Variants in ZXDC observed in about 807,000 individuals in gnomAD.
The protein encoded by ZXDC is ZXD family zinc finger C.
Under a neutral mutation model 63.6 loss-of-function variants are expected in ZXDC, and 58 were observed. The observed-to-expected ratio is 0.91, with a 90% CI of 0.74 to 1.13. The LOEUF is 1.13. ZXDC is among the 50% of genes most tolerant of loss of function. ZXDC has a pLI of 0.00. For synonymous variants in ZXDC, 561 were observed against 496.1 expected (o/e 1.13, Z -1.74); for missense variants, 1,133 against 1,148.9 (o/e 0.99, Z 0.20).
chr3:126,439,996 C>G, intron 8 of ZXDC: 1 of 1,338,372 alleles, frequency 7.5e-7, no homozygotes, highest in South Asian at 1.8e-5. Flanking sequence ...CTCAGTCAGC[C>G]CAAATACTGA....
intron 7 of ZXDC, among the ~76,000 whole-genome samples, chr3:126,457,090 G>A (rs573071345): frequency 6.6e-6 from 1 of 152,380 alleles, no homozygotes; most frequent in South Asian, 2.1e-4. Context: ...CCAGACCAGA[G>A]GAGACGGGGA....
chr3:126,447,057 G>A (rs1933909447), intron 7 of ZXDC, among the ~76,000 whole-genome samples: 1 of 152,128 alleles, frequency 6.6e-6, no homozygotes, highest in Admixed American at 6.6e-5. Flanking sequence ...TGTTCTGCAG[G>A]GGCACTCTCT....
Position 126,461,742 on chromosome 3 carries a change from C to T in ZXDC, c.1920G>A (p.Pro640=), listed in dbSNP as rs569926360. The T allele has an allele frequency of 2.0e-5, 33 of 1,613,660 alleles. No homozygotes were observed. The African/African-American group carries it at 3.7e-4, about 18-fold the overall frequency. The change falls in exon 6 of 10, where the codon CCG becomes CCA. Residue 640 remains proline, a synonymous_variant. Transcript: ENST00000389709. ...NSNLAAHITT[P]TSSSTPRENA... ...TTTCTCGGGGGGTGCTCGAAGAGGT[C>T]GGTGTGGTGATATGTGCTGCTAAGT...
chr3:126,472,558 A>G (rs555736465), intron 1 of ZXDC, among the ~76,000 whole-genome samples: 2 of 152,304 alleles, frequency 1.3e-5, no homozygotes, highest in African/African-American at 4.8e-5. Flanking sequence ...CAACCGATAA[A>G]GAGAAAGTCC....
At chr3:126,444,518 C>A (rs1210553086) in intron 7 of ZXDC, among the ~76,000 whole-genome samples, 1 of 150,400 alleles carries the variant, frequency 6.6e-6, no homozygotes, top group South Asian at 2.1e-4. Flanking sequence ...GGTGACAGAG[C>A]GAGACTCCCT....
At chr3:126,474,597 G>A (rs2107662708) in intron 1 of ZXDC, among the ~76,000 whole-genome samples, 1 of 152,332 alleles carries the variant, frequency 6.6e-6, no homozygotes, top group East Asian at 1.9e-4. Flanking sequence ...CTCTAGCACG[G>A]AGTGTGCACC....
chr3:126,457,731 T>C (rs1315403372), intron 7 of ZXDC: 1 of 854,296 alleles, frequency 1.2e-6, no homozygotes, highest in Non-Finnish European at 1.4e-6. Flanking sequence ...ATGACAGATT[T>C]AGAGTACCAC....
chr3:126,458,510 T>C (rs1220622841), intron 7 of ZXDC: 1 of 872,982 alleles, frequency 1.1e-6, no homozygotes, highest in East Asian at 1.2e-4. Context: ...AGTGCTGGGA[T>C]TACAGGTATG....
In ZXDC at chr3:126,475,395, G is replaced by A. The variant is rs1935160702; in HGVS notation, c.471C>T (p.Gly157=). ...GGGGCGCGCGGCGGGGAGCGGCGGC[G>A]CCCGCGGTTGCGGGGCCGGGCGGCG... The part of the protein sequence containing the change: ...LSAPPGPATA[G]AAAPRRAPQA... The change falls in exon 1 of 10, where the codon GGC becomes GGT. Residue 157 remains glycine, a synonymous_variant. Coordinates refer to ENST00000389709, the MANE Select transcript of ZXDC (RefSeq NM_025112.5). 3.3e-6 allele frequency: 4 copies of A among 1,206,722 alleles called. No homozygotes were observed. In the Admixed American group the frequency reaches 1.4e-4, roughly 41 times the overall value. 74.8% of individuals were successfully genotyped at this position (1,206,722 alleles called of 1,614,324 possible). A position where few individuals can be genotyped will look rare whatever the true frequency, so the allele number is the denominator to read the frequency against.
intron 5 of ZXDC, among the ~76,000 whole-genome samples, chr3:126,465,528 G>A (rs1010211982): frequency 6.6e-6 from 1 of 152,194 alleles, no homozygotes; most frequent in Non-Finnish European, 1.5e-5. Flanking sequence ...GAATAGCTGA[G>A]GCAGACGGAA....
chr3:126,450,605 G>A (rs1434805675), intron 7 of ZXDC: 2 of 449,872 alleles, frequency 4.4e-6, no homozygotes, highest in Non-Finnish European at 9.0e-6. Context: ...GACCGCCCCT[G>A]CTGACCCAGG....
intron 7 of ZXDC, chr3:126,453,749 C>T (rs1934200262): frequency 8.2e-6 from 8 of 977,928 alleles, no homozygotes; most frequent in Non-Finnish European, 8.5e-6. Context: ...GGCTGCAGTG[C>T]AATGGTGCGA....
intron 7 of ZXDC, chr3:126,457,648 T>C: frequency 1.0e-6 from 1 of 985,410 alleles, no homozygotes; most frequent in South Asian, 4.7e-5. Flanking sequence ...TCAAACATCA[T>C]GAACTGCACC....
At chr3:126,471,049 G>T (rs1171282613) in intron 3 of ZXDC, 24 bp from the exon 4 acceptor site, 2 of 1,610,596 alleles carry the variant, frequency 1.2e-6, no homozygotes, top group Non-Finnish European at 1.7e-6. Context: ...AAATAAAGGA[G>T]CTGTGATTCC....
At position 126,454,987 on chromosome 3, in the gene ZXDC, C is replaced by T. The variant is rs576231419; in HGVS notation, c.2212+4666G>A. 293 of 985,424 alleles carry T rather than the reference C, an allele frequency of 3.0e-4. No homozygotes were observed. In the African/African-American group the frequency reaches 4.2e-3, roughly 14 times the overall value. The allele number at this position is 985,424 out of a possible 1,614,324, so 61.0% of individuals were successfully genotyped here. On this transcript the variant is annotated intron_variant, in intron 7 of 9. Transcript: ENST00000389709. ...AGACTGTACATTTCCTAAGAACTGA[C>T]GTGTGCACTGGCTCCTAACCACATG... is the stretch of plus-strand genomic sequence containing the variant.
intron 7 of ZXDC, among the ~76,000 whole-genome samples, chr3:126,449,191 T>C (rs1933999827): frequency 6.6e-6 from 1 of 152,224 alleles, no homozygotes; most frequent in Non-Finnish European, 1.5e-5. Flanking sequence ...GAAGATGTAA[T>C]GAACAAAATA....
At chr3:126,465,176 A>C (rs574927692) in intron 5 of ZXDC, among the ~76,000 whole-genome samples, 1 of 152,264 alleles carries the variant, frequency 6.6e-6, no homozygotes, top group African/African-American at 2.4e-5. Flanking sequence ...AGCAGAAGTA[A>C]CTCTAGGGCC....
chr3:126,466,040 C>T (rs1280475956), intron 5 of ZXDC, 115 bp downstream of exon 5: 1 of 1,307,434 alleles, frequency 7.6e-7, no homozygotes, highest in East Asian at 2.4e-5. Flanking sequence ...CAGCCACGCC[C>T]ACAACCCCAC....
At chr3:126,441,674 G>A in intron 8 of ZXDC, 91 bp downstream of exon 8, 1 of 1,449,082 alleles carries the variant, frequency 6.9e-7, no homozygotes, top group South Asian at 1.5e-5. Context: ...TGCTGCGATG[G>A]GCAGGGGATG....
Sources: allele counts gnomAD v4.1 joint callset (sites outside exome capture counted in the v4.1 genomes callset), GRCh38; gene constraint gnomAD v4.1.1; transcripts MANE v1.5; gene names NCBI Gene and HGNC (gene_info 2026-07-23, HGNC 2026-07-21).